CPNE4: variants seen among roughly 807,000 people sequenced by gnomAD.
CPNE4 encodes the protein copine 4, also known as copine-4.
Under a neutral mutation model 67.9 loss-of-function variants are expected in CPNE4, and 25 were observed. The observed-to-expected ratio is 0.37, with a 90% CI of 0.27 to 0.51. The LOEUF is 0.51. CPNE4 is among the 20% of genes least tolerant of loss of function. The pLI, the probability that CPNE4 is intolerant of heterozygous loss-of-function variation, is 0.93. For missense variants in CPNE4, 464 were observed against 690.8 expected, an observed-to-expected ratio of 0.67 and a Z score of 3.68; for synonymous variants, 242 against 244.9, an observed-to-expected ratio of 0.99 and a Z score of 0.11.
At chr3:131,751,194 C>T (rs1312438061) in intron 2 of CPNE4, among the ~76,000 whole-genome samples, 1 of 152,056 alleles carries the variant, frequency 6.6e-6, no homozygotes, top group Non-Finnish European at 1.5e-5. Context: ...TACATCTTGT[C>T]AAATTTTGTA....
In CPNE4 at chr3:131,551,681, G is replaced by C. The variant is rs376708309; in HGVS notation, c.1168+759C>G. On this transcript the variant is annotated intron_variant, in intron 13 of 15. Coordinates refer to ENST00000429747, the MANE Select transcript of CPNE4 (RefSeq NM_130808.3). ...ATGCCTTACACACTCTACTGGATCTGAATTAATCCTGATTTAGCCTCCTTC... is the reference window on the plus strand; with the variant it reads ...ATGCCTTACACACTCTACTGGATCTCAATTAATCCTGATTTAGCCTCCTTC... Among the ~76,000 whole-genome samples, 18 of 152,142 alleles carry C rather than the reference G, an allele frequency of 1.2e-4. No homozygotes were observed. The South Asian group carries it at 3.7e-3, about 32-fold the overall frequency.
At chr3:131,581,725 G>A (rs1218589197) in intron 8 of CPNE4, 60 bp from the exon 9 acceptor site, 15 of 1,204,088 alleles carry the variant, frequency 1.2e-5, no homozygotes, top group Admixed American at 3.4e-5. Context: ...TTTCAATAAG[G>A]CCAAGCTCCT....
At chr3:131,834,541 T>A (rs1023569371) in intron 2 of CPNE4, among the ~76,000 whole-genome samples, 2 of 151,992 alleles carry the variant, frequency 1.3e-5, no homozygotes, top group Non-Finnish European at 1.5e-5. Context: ...AATCACTAAG[T>A]AAACAAGAGT....
At chr3:131,787,391 G>T (rs1336546281) in intron 2 of CPNE4, among the ~76,000 whole-genome samples, 1 of 152,200 alleles carries the variant, frequency 6.6e-6, no homozygotes, top group East Asian at 1.9e-4. Flanking sequence ...GGCCAACCTG[G>T]TGGGGAGCTC....
intron 5 of CPNE4, among the ~76,000 whole-genome samples, chr3:131,691,325 A>G (rs755097712): frequency 1.3e-5 from 2 of 152,216 alleles, no homozygotes; most frequent in Non-Finnish European, 2.9e-5. Context: ...AACATTGAAT[A>G]GGATAAAGAA....
intron 7 of CPNE4, among the ~76,000 whole-genome samples, chr3:131,618,072 T>C (rs1250257293): frequency 2.0e-5 from 3 of 152,042 alleles, no homozygotes; most frequent in Non-Finnish European, 2.9e-5. Flanking sequence ...GAGCTCAGGG[T>C]ATGGGAGACA....
At chr3:132,031,728 C>A (rs1055188744) in intron 1 of CPNE4, among the ~76,000 whole-genome samples, 4 of 152,142 alleles carry the variant, frequency 2.6e-5, no homozygotes, top group African/African-American at 9.7e-5. Context: ...AGGCATAGTG[C>A]AAACCTTATA....
chr3:131,643,180 C>A (rs939825906), intron 7 of CPNE4, among the ~76,000 whole-genome samples: 1 of 152,210 alleles, frequency 6.6e-6, no homozygotes, highest in African/African-American at 2.4e-5. Context: ...GTGATTTCTG[C>A]TATGCTTTAG....
chr3:131,727,178 A>C (rs978413184), intron 2 of CPNE4, among the ~76,000 whole-genome samples: 1 of 152,258 alleles, frequency 6.6e-6, no homozygotes, highest in Non-Finnish European at 1.5e-5. Context: ...TTCTGACCTC[A>C]AAGTCTGGAC....
chr3:131,886,211 CG>C (rs2087885860), intron 2 of CPNE4, among the ~76,000 whole-genome samples: 1 of 152,198 alleles, frequency 6.6e-6, no homozygotes, highest in African/African-American at 2.4e-5. Context: ...CTGCTCCAGC[CG>C]TGGCTGAAAG....
Position 132,005,338 on chromosome 3 carries a change from TATATACACACACACACACACACAC to T in CPNE4, c.-2+29205_-2+29228del, listed in dbSNP as rs1206511580. 1.9e-3 allele frequency among the ~76,000 whole-genome samples: 57 copies of T among 29,678 alleles called. 1 individual carries two copies. Among genetic ancestry groups the T allele is most frequent in the African/African-American group, 9.2e-3 (57 of 6,182 alleles). The allele number at this position is 29,678 out of a possible 152,430, so 19.5% of individuals were successfully genotyped here. A position where few individuals can be genotyped will look rare whatever the true frequency, so the allele number is the denominator to read the frequency against. ...ACATATATATATATATATATATATA[TATATACACACACACACACACACAC>T]ACACACACACATATATGTTTATATT... On this transcript the variant is annotated intron_variant, in intron 1 of 15. Coordinates refer to ENST00000429747, the MANE Select transcript of CPNE4 (RefSeq NM_130808.3).
chr3:131,829,627 T>C (rs577772677), intron 2 of CPNE4, among the ~76,000 whole-genome samples: 2 of 152,206 alleles, frequency 1.3e-5, no homozygotes, highest in African/African-American at 4.8e-5. Flanking sequence ...CTCATCAGCA[T>C]ATGATTACTT....
At chr3:131,819,985 C>T (rs1035705153) in intron 2 of CPNE4, among the ~76,000 whole-genome samples, 3 of 152,218 alleles carry the variant, frequency 2.0e-5, no homozygotes, top group Non-Finnish European at 4.4e-5. Flanking sequence ...AACCAAACTA[C>T]ATTTGAGTCC....
At chr3:131,805,846 G>C (rs111273245) in intron 2 of CPNE4, among the ~76,000 whole-genome samples, 1 of 152,282 alleles carries the variant, frequency 6.6e-6, no homozygotes, top group South Asian at 2.1e-4. Context: ...ATATGCCCAA[G>C]TCCAGGAAAA....
intron 1 of CPNE4, among the ~76,000 whole-genome samples, chr3:131,955,694 C>T (rs1394629978): frequency 6.6e-6 from 1 of 152,046 alleles, no homozygotes; most frequent in Non-Finnish European, 1.5e-5. Context: ...GTGCCGTTTC[C>T]TCTTACAAAC....
At chr3:131,625,761 A>AC (rs2079057912) in intron 7 of CPNE4, among the ~76,000 whole-genome samples, 3 of 152,192 alleles carry the variant, frequency 2.0e-5, no homozygotes, top group African/African-American at 7.2e-5. Flanking sequence ...AGAGATTGCC[A>AC]AAAACAATCA....
rs559570254 is a variant in CPNE4 at position 131,807,910 on chromosome 3, G to A, written c.181-84285C>T. ...GGTACATAATAGAAGATATTTAATC[G>A]TTATTAGTTGAATGAATGAATGAAT... On this transcript the variant is annotated intron_variant, in intron 2 of 15. Coordinates refer to ENST00000429747, the MANE Select transcript of CPNE4 (RefSeq NM_130808.3). Among the ~76,000 whole-genome samples the A allele has an allele frequency of 7.9e-5, 12 of 151,772 alleles. No homozygotes were observed. In the South Asian group the frequency reaches 1.0e-3, roughly 13 times the overall value.
intron 7 of CPNE4, among the ~76,000 whole-genome samples, chr3:131,615,929 GCACA>G (rs55641783): frequency 0.08 from 6,248 of 78,000 alleles, 175 homozygotes; most frequent in South Asian, 0.1. Context: ...ACACACACAC[GCACA>G]CACACACACA....
At chr3:131,596,107 A>G (rs1282099771) in intron 7 of CPNE4, among the ~76,000 whole-genome samples, 1 of 152,192 alleles carries the variant, frequency 6.6e-6, no homozygotes, top group Non-Finnish European at 1.5e-5. Flanking sequence ...GCACTTCACA[A>G]TTTGTTAAGT....
Sources: gnomAD v4.1 joint callset for allele counts (sites outside exome capture counted in the v4.1 genomes callset) on GRCh38, gnomAD v4.1.1 for gene constraint, MANE v1.5 for transcripts, NCBI Gene and HGNC (gene_info 2026-07-23, HGNC 2026-07-21) for gene names.